The following CERT1 variants were observed in gnomAD, a reference collection of about 807,000 sequenced individuals.
CERT1 encodes ceramide transfer protein.
Under a neutral mutation model 87.9 loss-of-function variants are expected in CERT1, and 31 were observed. The observed-to-expected ratio is 0.35, with a 90% CI of 0.27 to 0.48. The LOEUF (loss-of-function observed/expected upper bound fraction) is 0.48, where lower values mean the gene tolerates loss of function less well. Ranked by LOEUF, CERT1 falls within the 20% of genes least tolerant of loss-of-function variation. The pLI is 0.99. For synonymous variants in CERT1, 289 were observed against 250.9 expected (o/e 1.15, Z -1.44); for missense variants, 487 against 758.0 (o/e 0.64, Z 4.20).
rs374207640 is a variant in CERT1, at chr5:75,505,285, AAAAAC to A, written c.231+692_231+696del. 42 of 153,342 alleles carry A rather than the reference AAAAAC, an allele frequency of 2.7e-4. No individual in the cohort carries two copies. In the South Asian group the frequency reaches 7.2e-3, roughly 26 times the overall value. 9.5% of individuals were successfully genotyped at this position (153,342 alleles called of 1,614,324 possible). A position where few individuals can be genotyped will look rare whatever the true frequency, so the allele number is the denominator to read the frequency against. ...CTGGGTGACAGAGCAAGACTGTCTC[AAAAAC>A]AAAACAAAACAAAACAAAAAAACAA... On this transcript the variant is annotated intron_variant, in intron 2 of 16. Transcript: ENST00000643780.
At chr5:75,409,584 T>C (rs757502680) in intron 8 of CERT1, among the ~76,000 whole-genome samples, 47 of 152,160 alleles carry the variant, frequency 3.1e-4, no homozygotes, top group Non-Finnish European at 5.4e-4. Flanking sequence ...TGGAGCGCAG[T>C]GGCACGATCT....
At chr5:75,407,099 A>G (rs774190793) in intron 8 of CERT1, among the ~76,000 whole-genome samples, 2 of 152,204 alleles carry the variant, frequency 1.3e-5, no homozygotes, top group African/African-American at 2.4e-5. Flanking sequence ...AAAGAATTGT[A>G]TATTTAATTT....
intron 3 of CERT1, among the ~76,000 whole-genome samples, chr5:75,455,838 T>C (rs1219461927): frequency 6.6e-6 from 1 of 152,186 alleles, no homozygotes; most frequent in Non-Finnish European, 1.5e-5. Context: ...TAAAAGACAG[T>C]ACAGTCTCAG....
chr5:75,508,703 G>A (rs954767942), intron 1 of CERT1, among the ~76,000 whole-genome samples: 15 of 152,214 alleles, frequency 9.9e-5, no homozygotes, highest in African/African-American at 3.6e-4. Context: ...TAGAATAAGA[G>A]TCAGAAGCAA....
intron 13 of CERT1, 135 bp downstream of exon 13, chr5:75,385,767 G>T: frequency 1.8e-6 from 1 of 563,984 alleles, no homozygotes; most frequent in Non-Finnish European, 2.7e-6. Context: ...TAAATGTATT[G>T]CTAGTCCTCT....
chr5:75,422,499 C>T (rs1763424566), intron 5 of CERT1, among the ~76,000 whole-genome samples: 1 of 152,088 alleles, frequency 6.6e-6, no homozygotes, highest in Admixed American at 6.6e-5. Flanking sequence ...ATCTGTAGTC[C>T]CAACTACTTG....
chr5:75,382,720 T>C (rs1378042583), intron 14 of CERT1, among the ~76,000 whole-genome samples: 1 of 151,808 alleles, frequency 6.6e-6, no homozygotes, highest in African/African-American at 2.4e-5. Context: ...TATATGTATC[T>C]GGACTAGTCC....
chr5:75,430,050 G>C (rs1043796643), intron 3 of CERT1, among the ~76,000 whole-genome samples: 1 of 151,778 alleles, frequency 6.6e-6, no homozygotes, highest in South Asian at 2.1e-4. Context: ...AGAGGATGAC[G>C]AGAGGAGGAA....
intron 8 of CERT1, among the ~76,000 whole-genome samples, chr5:75,408,112 C>T (rs537255323): frequency 2.4e-4 from 37 of 152,114 alleles, no homozygotes; most frequent in Non-Finnish European, 4.6e-4. Context: ...ACAAGTTTTA[C>T]TGGGGGTCTG....
chr5:75,440,416 A>T (rs1212027753), intron 3 of CERT1, among the ~76,000 whole-genome samples: 1 of 152,052 alleles, frequency 6.6e-6, no homozygotes, highest in Admixed American at 6.6e-5. Flanking sequence ...CATTTGCAAA[A>T]ATTTGCCCAC....
rs1767704370 is a variant in CERT1, at chr5:75,507,444, ACT to A, written c.97-1330_97-1329del. Among the ~76,000 whole-genome samples the A allele has an allele frequency of 2.0e-5, 3 of 151,762 alleles. No homozygotes were observed. In the South Asian group the frequency reaches 6.2e-4, roughly 31 times the overall value. The stretch of plus-strand genomic sequence containing the variant: ...TTTTCTAAGCCCCATCATTACAACC[ACT>A]CTCTGAGAACTCACCCAAGCCAACA... On this transcript the variant is annotated intron_variant, in intron 1 of 16. Coordinates refer to ENST00000643780, the MANE Select transcript of CERT1 (RefSeq NM_001379029.1).
intron 3 of CERT1, among the ~76,000 whole-genome samples, chr5:75,455,589 T>A (rs1379000128): frequency 6.6e-6 from 1 of 152,060 alleles, no homozygotes; most frequent in Non-Finnish European, 1.5e-5. Flanking sequence ...GACTCTGGAG[T>A]CTGAAATCCG....
At chr5:75,463,803 T>G (rs888114949) in intron 2 of CERT1, among the ~76,000 whole-genome samples, 1 of 152,044 alleles carries the variant, frequency 6.6e-6, no homozygotes, top group African/African-American at 2.4e-5. Flanking sequence ...CAGGGGTCTA[T>G]AGAGGAGGGA....
chr5:75,509,374 A>G (rs2112483065), intron 1 of CERT1, among the ~76,000 whole-genome samples: 1 of 152,326 alleles, frequency 6.6e-6, no homozygotes, highest in South Asian at 2.1e-4. Context: ...AAGCTTCCAG[A>G]AAACTGTATA....
At chr5:75,449,056 T>A (rs1764670248) in intron 3 of CERT1, among the ~76,000 whole-genome samples, 1 of 152,332 alleles carries the variant, frequency 6.6e-6, no homozygotes, top group East Asian at 1.9e-4. Context: ...ATTATACTTG[T>A]ATAACTGCCA....
chr5:75,509,607 T>TC (rs200676407), intron 1 of CERT1, among the ~76,000 whole-genome samples: 1,848 of 152,174 alleles, frequency 0.012, 38 homozygotes, highest in African/African-American at 0.04. Context: ...GGTTACTTTT[T>TC]CCCCCGGTCA....
chr5:75,405,878 G>T (rs866711092), intron 8 of CERT1, among the ~76,000 whole-genome samples: 1 of 150,644 alleles, frequency 6.6e-6, no homozygotes, highest in African/African-American at 2.5e-5. Context: ...TTACTGGGGG[G>T]GGGGGGGGTC....
chr5:75,509,013 T>C (rs1767789542), intron 1 of CERT1, among the ~76,000 whole-genome samples: 1 of 152,198 alleles, frequency 6.6e-6, no homozygotes, highest in Admixed American at 6.5e-5. Flanking sequence ...ATTGTCTATC[T>C]AGTATTTTTG....
chr5:75,482,350 A>G (rs1266353554), intron 2 of CERT1, among the ~76,000 whole-genome samples: 1 of 152,196 alleles, frequency 6.6e-6, no homozygotes. Context: ...GAAGAGTGGA[A>G]GGACTTGTGG....
Sources: gnomAD v4.1 joint callset for allele counts (sites outside exome capture counted in the v4.1 genomes callset) on GRCh38, gnomAD v4.1.1 for gene constraint, MANE v1.5 for transcripts, NCBI Gene and HGNC (gene_info 2026-07-23, HGNC 2026-07-21) for gene names.